Variants in B4GALT2 observed in about 807,000 individuals in gnomAD.
The protein encoded by B4GALT2 is N-acetyllactosamine synthase.
Under a neutral mutation model 33.2 loss-of-function variants are expected in B4GALT2, and 18 were observed. The observed-to-expected ratio is 0.54, with a 90% CI of 0.38 to 0.80. B4GALT2 has a LOEUF of 0.80. B4GALT2 is among the 30% of genes least tolerant of loss of function. The probability of loss-of-function intolerance (pLI) is 0.00; values close to 1 mark genes in which losing one functional copy is unlikely to be tolerated. For synonymous variants in B4GALT2, 214 were observed against 217.6 expected (o/e 0.98, Z 0.15); for missense variants, 404 against 526.2 (o/e 0.77, Z 2.27).
intron 5 of B4GALT2, 44 bp downstream of exon 5, chr1:43,985,444 G>A: frequency 1.3e-6 from 1 of 745,902 alleles, no homozygotes; most frequent in Non-Finnish European, 2.0e-6. Context: ...GGGGGGGGGA[G>A]GGGGGGTGCA....
In B4GALT2 at chr1:43,984,859, A is replaced by T; in HGVS notation, c.550-6A>T. 1 of 1,612,710 alleles carries T rather than the reference A, an allele frequency of 6.2e-7. No individual in the cohort carries two copies. The highest frequency in any genetic ancestry group is 8.5e-7 in the Non-Finnish European group (1 of 1,179,260). On this transcript the variant is annotated splice_region_variant and splice_polypyrimidine_tract_variant and intron_variant, in intron 3 of 6. Coordinates refer to ENST00000372324, the MANE Select transcript of B4GALT2 (RefSeq NM_003780.5). The surrounding 1 kb of genome is among the most constrained non-coding windows in gnomAD (Gnocchi z 5.6). ...CCAGGGTTGACCTGCTCCTCCCCCT[A>T]CCCAGCATGGTGAGGACACCTTCAA...
chr1:43,981,290 C>T lies in B4GALT2; in HGVS notation c.130C>T (p.Arg44Cys), dbSNP rs769533543. 2.0e-4 allele frequency: 317 copies of T among 1,605,584 alleles called. No homozygotes were observed. Among genetic ancestry groups the T allele is most frequent in the Non-Finnish European group, 2.6e-4 (303 of 1,179,902 alleles). ...VYAQHLAFFS[R>C]FSARGPAHAL... is the part of the protein sequence containing the mutation. ...CGCCCAGCACCTGGCCTTCTTCAGC[C>T]GCTTCAGTGCCCGAGGCCCTGCCCA... The change falls in exon 2 of 7, where the codon CGC becomes TGC. Residue 44 changes from arginine (R) to cysteine (C), a missense_variant. Transcript: ENST00000372324. The surrounding 1 kb of genome is among the most constrained non-coding windows in gnomAD (Gnocchi z 8.1).
Position 43,985,640 on chromosome 1 carries a change from C to A in B4GALT2, c.968+19C>A. On this transcript the variant is annotated intron_variant, in intron 6 of 6. Coordinates refer to ENST00000372324, the MANE Select transcript of B4GALT2 (RefSeq NM_003780.5). Reference sequence around the variant, plus strand: ...CTCAGAGGTGACCCCAGCACCCTCACCCCTTACTCCCCAGAGGCAACTTCC... The same window carrying A: ...CTCAGAGGTGACCCCAGCACCCTCAACCCTTACTCCCCAGAGGCAACTTCC... 1 of 1,610,226 alleles carries A rather than the reference C, an allele frequency of 6.2e-7. No individual in the cohort carries two copies. The highest frequency in any genetic ancestry group is 8.5e-7 in the Non-Finnish European group (1 of 1,176,686).
intron 6 of B4GALT2, 99 bp from the exon 7 acceptor site, chr1:43,990,199 T>C (rs2231284): frequency 0.17 from 252,740 of 1,486,266 alleles, 25,040 homozygotes; most frequent in African/African-American, 0.42. Flanking sequence ...GGGGTCCCCT[T>C]GGCCAAAAGG....
Position 43,990,587 on chromosome 1 carries a change from G to A in B4GALT2, c.*139G>A, listed in dbSNP as rs148237693. 6.2e-4 allele frequency: 772 copies of A among 1,242,356 alleles called. 5 individuals are homozygous for A. The African/African-American group carries it at 0.01, about 16-fold the overall frequency. 77.0% of individuals were successfully genotyped at this position (1,242,356 alleles called of 1,614,324 possible). A position where few individuals can be genotyped will look rare whatever the true frequency, so the allele number is the denominator to read the frequency against. ...CCAAGGGTCTTCACTAGGCCCCCTA[G>A]CTACACCTGGAAGTTTCAGAACCCA... On this transcript the variant is annotated 3_prime_UTR_variant, in exon 7 of 7. Transcript: ENST00000372324.
chr1:43,985,650 C>T (rs1317986076), intron 6 of B4GALT2, 29 bp downstream of exon 6: 1 of 1,604,344 alleles, frequency 6.2e-7, no homozygotes, highest in Non-Finnish European at 8.5e-7. Flanking sequence ...CCCCTTACTC[C>T]CCAGAGGCAA....
In B4GALT2 at chr1:43,983,639, G is replaced by A. The variant is rs75963642; in HGVS notation, c.550-1226G>A. Among the ~76,000 whole-genome samples the A allele has an allele frequency of 3.7e-3, 568 of 152,342 alleles. 7 individuals carry two copies. The highest frequency in any genetic ancestry group is 0.013 in the African/African-American group (525 of 41,558). ...GACAACTCTTTAAAAAAAAATCCCT[G>A]CTGAGAAGGGAAGGCAAAAGGTAGG... On this transcript the variant is annotated intron_variant, in intron 3 of 6. Coordinates refer to ENST00000372324, the MANE Select transcript of B4GALT2 (RefSeq NM_003780.5).
At chr1:43,980,520 C>G in intron 1 of B4GALT2, 1 of 995,148 alleles carries the variant, frequency 1.0e-6, no homozygotes, top group South Asian at 4.6e-5. Context: ...GTTGGCCTGG[C>G]CTGCTTGTCG....
chr1:43,985,159 C>T (rs2085642439), intron 4 of B4GALT2, 104 bp downstream of exon 4: 7 of 1,566,890 alleles, frequency 4.5e-6, no homozygotes. Flanking sequence ...GGCCCAGACC[C>T]CACTGGCGAG....
chr1:43,980,653 G>A, intron 1 of B4GALT2: 2 of 941,296 alleles, frequency 2.1e-6, no homozygotes, highest in Non-Finnish European at 2.6e-6. Flanking sequence ...TCTTCCCCAA[G>A]CCATGAGTTC....
rs558039933 is a variant in B4GALT2, at chr1:43,979,759, G to C, written c.-53+248G>C. On this transcript the variant is annotated intron_variant, in intron 1 of 6. Transcript: ENST00000372324. This position sits in a 1 kb window ranked among gnomAD's most constrained non-coding sequence, Gnocchi z 4.8. Reference sequence around the variant, plus strand: ...CGCCCCGGCCTCGTGGCGCGGGGAGGCGTTCCATACACGTTTCCCCTTGGC... The same window carrying C: ...CGCCCCGGCCTCGTGGCGCGGGGAGCCGTTCCATACACGTTTCCCCTTGGC... The C allele has an allele frequency of 8.1e-4, 343 of 425,998 alleles. 1 individual carries two copies. Among genetic ancestry groups the C allele is most frequent in the Non-Finnish European group, 1.2e-3 (279 of 235,922 alleles). 26.4% of individuals were successfully genotyped at this position (425,998 alleles called of 1,614,324 possible). A position where few individuals can be genotyped will look rare whatever the true frequency, so the allele number is the denominator to read the frequency against.
At chr1:43,989,636 G>A (rs1042117171) in intron 6 of B4GALT2, among the ~76,000 whole-genome samples, 2 of 152,066 alleles carry the variant, frequency 1.3e-5, no homozygotes, top group South Asian at 2.1e-4. Flanking sequence ...TAAATATATC[G>A]CAGTTAGGCC....
rs1413184624 is a variant in B4GALT2 at position 43,984,129 on chromosome 1, C to A, written c.550-736C>A. The stretch of plus-strand genomic sequence containing the variant: ...CCAGGACCCCTGCAGCCCCAATTCT[C>A]AGGGGACCCCAGGCTTGCTGGGCTG... On this transcript the variant is annotated intron_variant, in intron 3 of 6. Coordinates refer to ENST00000372324, the MANE Select transcript of B4GALT2 (RefSeq NM_003780.5). This position sits in a 1 kb window ranked among gnomAD's most constrained non-coding sequence, Gnocchi z 5.6. Among the ~76,000 whole-genome samples, 1 of 152,232 alleles carries A rather than the reference C, an allele frequency of 6.6e-6. No individual in the cohort carries two copies. The highest frequency in any genetic ancestry group is 1.5e-5 in the Non-Finnish European group (1 of 68,030).
chr1:43,990,090 T>G (rs1367084499), intron 6 of B4GALT2, among the ~76,000 whole-genome samples: 2 of 152,156 alleles, frequency 1.3e-5, no homozygotes, highest in Non-Finnish European at 2.9e-5. Flanking sequence ...TTAATGCTGG[T>G]CATTTGTTGT....
chr1:43,981,750 C>T lies in B4GALT2; in HGVS notation c.375C>T (p.Asn125=), dbSNP rs1438870493. 4 of 1,613,356 alleles carry T rather than the reference C, an allele frequency of 2.5e-6. No individual in the cohort carries two copies. Among genetic ancestry groups the T allele is most frequent in the East Asian group, 2.2e-5 (1 of 44,884 alleles). The change falls in exon 3 of 7, where the codon AAC becomes AAT. Residue 125 remains asparagine (N), a synonymous_variant. Transcript: ENST00000372324. The surrounding 1 kb of genome is among the most constrained non-coding windows in gnomAD (Gnocchi z 8.1). ...PMPLERVQRE[N]PGVLMGGRYT... is the part of the protein sequence containing the mutation. ...CCCTGGAGCGGGTGCAGAGGGAGAA[C>T]CCAGGCGTGCTCATGGGCGGCCGAT...
rs527442282 is a variant in B4GALT2, at chr1:43,981,175, G to T, written c.15G>T (p.Leu5=). The T allele has an allele frequency of 4.4e-6, 7 of 1,599,716 alleles. No individual in the cohort carries two copies. The highest frequency in any genetic ancestry group is 4.5e-5 in the East Asian group (2 of 44,856). The change falls in exon 2 of 7, where the codon CTG becomes CTT. Residue 5 remains leucine, a synonymous_variant. Transcript: ENST00000372324. The surrounding 1 kb of genome is among the most constrained non-coding windows in gnomAD (Gnocchi z 8.1). The part of the protein sequence containing the change: MSRL[L]GGTLERVCKA... Reference sequence around the variant, plus strand: ...CCGCCTGCGGGATGAGCAGACTGCTGGGGGGGACGCTGGAGCGCGTCTGCA... The same window carrying T: ...CCGCCTGCGGGATGAGCAGACTGCTTGGGGGGACGCTGGAGCGCGTCTGCA...
At position 43,981,574 on chromosome 1, in the gene B4GALT2, C is replaced by G; in HGVS notation, c.313+101C>G. 1 of 1,526,554 alleles carries G rather than the reference C, an allele frequency of 6.6e-7. No individual in the cohort carries two copies. Among genetic ancestry groups the G allele is most frequent in the Non-Finnish European group, 8.8e-7 (1 of 1,135,596 alleles). 94.6% of individuals were successfully genotyped at this position (1,526,554 alleles called of 1,614,324 possible). On this transcript the variant is annotated intron_variant, in intron 2 of 6. Coordinates refer to ENST00000372324, the MANE Select transcript of B4GALT2 (RefSeq NM_003780.5). The surrounding 1 kb of genome is among the most constrained non-coding windows in gnomAD (Gnocchi z 8.1). ...CCAGGGGTGTGCCAGGGGTCCAGGT[C>G]TGTTGTAAGAGGGCTATTCTTGGGG... is the stretch of plus-strand genomic sequence containing the variant.
At position 43,984,880 on chromosome 1, in the gene B4GALT2, T is replaced by TTCAACCGGGCCAAGCTG; in HGVS notation, c.566_582dup (p.Leu195SerfsTer12). 1 of 1,613,828 alleles carries TTCAACCGGGCCAAGCTG rather than the reference T, an allele frequency of 6.2e-7. No individual in the cohort carries two copies. Among genetic ancestry groups the TTCAACCGGGCCAAGCTG allele is most frequent in the Non-Finnish European group, 8.5e-7 (1 of 1,179,932 alleles). On this transcript the variant is annotated frameshift_variant, in exon 4 of 7. Coordinates refer to ENST00000372324, the MANE Select transcript of B4GALT2 (RefSeq NM_003780.5). LOFTEE classifies it high-confidence loss of function. This position sits in a 1 kb window ranked among gnomAD's most constrained non-coding sequence, Gnocchi z 5.6. ...CCCTACCCAGCATGGTGAGGACACC[T>TTCAACCGGGCCAAGCTG]TCAACCGGGCCAAGCTGCTTAACGT...
intron 3 of B4GALT2, among the ~76,000 whole-genome samples, chr1:43,983,247 G>A (rs2154303249): frequency 6.6e-6 from 1 of 152,310 alleles, no homozygotes; most frequent in South Asian, 2.1e-4. Flanking sequence ...AAGACGGTCT[G>A]GTCCCTAAAA....
Sources: gnomAD v4.1 joint callset for allele counts (sites outside exome capture counted in the v4.1 genomes callset) on GRCh38, gnomAD v4.1.1 for gene constraint, Gnocchi (gnomAD v3.1) non-coding constraint, MANE v1.5 for transcripts, NCBI Gene and HGNC (gene_info 2026-07-23, HGNC 2026-07-21) for gene names.